RNF4: variants seen among roughly 807,000 people sequenced by gnomAD.
The protein encoded by RNF4 is E3 ubiquitin-protein ligase RNF4.
In RNF4, 7 loss-of-function variants were observed where a neutral mutation model predicts 24.3. The ratio of observed to expected loss-of-function variants is 0.29; its 90% CI spans 0.16 to 0.54. RNF4 has a LOEUF of 0.54. Among genes scored for constraint, RNF4 ranks in the 20% least tolerant of loss-of-function variants. RNF4 has a pLI of 0.95. For synonymous variants in RNF4, 83 were observed against 84.3 expected (o/e 0.98, Z 0.09); for missense variants, 209 against 248.5 (o/e 0.84, Z 1.07).
chr4:2,483,859 A>C (rs1735315957), intron 1 of RNF4, among the ~76,000 whole-genome samples: 1 of 151,572 alleles, frequency 6.6e-6, no homozygotes, highest in African/African-American at 2.4e-5. Context: ...TTTGAGACTG[A>C]GTTTCACTTG....
chr4:2,482,805 C>A (rs1351753694), intron 1 of RNF4, among the ~76,000 whole-genome samples: 1 of 152,142 alleles, frequency 6.6e-6, no homozygotes, highest in Non-Finnish European at 1.5e-5. Context: ...GGCCAATGTT[C>A]AAGGCCCCTG....
chr4:2,506,533 G>A (rs1453069045), intron 4 of RNF4, among the ~76,000 whole-genome samples: 2 of 150,838 alleles, frequency 1.3e-5, no homozygotes, highest in Non-Finnish European at 3.0e-5. Flanking sequence ...TCCAAGTTGT[G>A]TGCTTTCTCC....
intron 1 of RNF4, among the ~76,000 whole-genome samples, chr4:2,479,361 A>T (rs112957310): frequency 0.29 from 44,642 of 151,980 alleles, 7,793 homozygotes; most frequent in Admixed American, 0.49. Context: ...ATGTGAGGAC[A>T]TAAGATTTGG....
intron 2 of RNF4, among the ~76,000 whole-genome samples, chr4:2,491,012 C>G (rs542527914): frequency 6.6e-6 from 1 of 152,072 alleles, no homozygotes; most frequent in African/African-American, 2.4e-5. Flanking sequence ...TCCTTGAGCC[C>G]AAGAGTTCAA....
At chr4:2,479,159 C>G (rs1735172752) in intron 1 of RNF4, among the ~76,000 whole-genome samples, 1 of 152,196 alleles carries the variant, frequency 6.6e-6, no homozygotes, top group Admixed American at 6.5e-5. Flanking sequence ...GCCAATTTCT[C>G]CCATTTGGAA....
chr4:2,496,403 G>C (rs1039019130), intron 2 of RNF4, among the ~76,000 whole-genome samples: 1 of 152,200 alleles, frequency 6.6e-6, no homozygotes, highest in Admixed American at 6.5e-5. Flanking sequence ...CCACTACCAA[G>C]TCCAAATCCT....
intron 1 of RNF4, chr4:2,470,131 C>T (rs923155599): frequency 1.3e-5 from 2 of 152,264 alleles, no homozygotes; most frequent in Admixed American, 1.3e-4. Context: ...GCACCAAGTT[C>T]TTGAGCCAGA....
intron 2 of RNF4, among the ~76,000 whole-genome samples, chr4:2,495,839 C>T (rs975492972): frequency 6.6e-6 from 1 of 152,182 alleles, no homozygotes; most frequent in African/African-American, 2.4e-5. Context: ...CCGTGTTGCC[C>T]AGGCTGATCT....
chr4:2,506,392 G>C (rs760149815), intron 4 of RNF4: 3 of 152,162 alleles, frequency 2.0e-5, no homozygotes, highest in Non-Finnish European at 4.4e-5. Context: ...ATGTTGACCA[G>C]GCTGGTCTTG....
At chr4:2,500,808 G>C in intron 4 of RNF4, 70 bp downstream of exon 4, 1 of 1,455,178 alleles carries the variant, frequency 6.9e-7, no homozygotes, top group South Asian at 1.2e-5. Flanking sequence ...GCATCTGACA[G>C]CCTTGGTCAC....
At chr4:2,478,536 G>T (rs1040682231) in intron 1 of RNF4, among the ~76,000 whole-genome samples, 2 of 152,346 alleles carry the variant, frequency 1.3e-5, no homozygotes, top group East Asian at 3.9e-4. Context: ...GGTGCCCTGC[G>T]TTCCAGCCGT....
At chr4:2,510,139 C>G (rs1320877179) in intron 4 of RNF4, among the ~76,000 whole-genome samples, 1 of 152,190 alleles carries the variant, frequency 6.6e-6, no homozygotes, top group African/African-American at 2.4e-5. Context: ...ATATTCTCAT[C>G]CTCAAATCAA....
intron 4 of RNF4, among the ~76,000 whole-genome samples, chr4:2,507,944 T>A (rs1358136921): frequency 1.3e-5 from 2 of 152,072 alleles, no homozygotes; most frequent in South Asian, 4.1e-4. Flanking sequence ...AGCCTCAACC[T>A]CCCAGGTTGA....
At chr4:2,474,857 T>C (rs1488206969) in intron 1 of RNF4, among the ~76,000 whole-genome samples, 1 of 152,110 alleles carries the variant, frequency 6.6e-6, no homozygotes, top group African/African-American at 2.4e-5. Context: ...AAACCCCGTC[T>C]CGACTAAAAA....
intron 4 of RNF4, among the ~76,000 whole-genome samples, chr4:2,504,313 C>G (rs908902907): frequency 6.6e-6 from 1 of 152,152 alleles, no homozygotes; most frequent in Non-Finnish European, 1.5e-5. Flanking sequence ...CCAGACTTTT[C>G]TAAAGAGGGA....
At chr4:2,481,359 G>A (rs1735238009) in intron 1 of RNF4, 1 of 152,126 alleles carries the variant, frequency 6.6e-6, no homozygotes, top group Admixed American at 6.5e-5. Context: ...CAAATGGTGG[G>A]TTTTTGCATA....
chr4:2,503,736 C>G (rs546441052), intron 4 of RNF4, among the ~76,000 whole-genome samples: 1 of 152,250 alleles, frequency 6.6e-6, no homozygotes, highest in South Asian at 2.1e-4. Context: ...ATCGTGTGTT[C>G]AGGGTGACCC....
intron 4 of RNF4, among the ~76,000 whole-genome samples, chr4:2,501,016 C>A (rs1279438341): frequency 6.6e-6 from 1 of 152,186 alleles, no homozygotes; most frequent in Non-Finnish European, 1.5e-5. Flanking sequence ...GTCTGTGTAA[C>A]CTGACCTTGC....
At chr4:2,494,916 G>T (rs1034897634) in intron 2 of RNF4, among the ~76,000 whole-genome samples, 1 of 152,166 alleles carries the variant, frequency 6.6e-6, no homozygotes, top group Non-Finnish European at 1.5e-5. Flanking sequence ...AAGAATGTTA[G>T]TACAGGTCTT....
Sources: allele counts gnomAD v4.1 joint callset (sites outside exome capture counted in the v4.1 genomes callset), GRCh38; gene constraint gnomAD v4.1.1; transcripts MANE v1.5; gene names NCBI Gene and HGNC (gene_info 2026-07-23, HGNC 2026-07-21).